The following FANCD2OS variants were observed in gnomAD, a reference collection of about 807,000 sequenced individuals.
FANCD2OS encodes FANCD2 opposite strand, also known as FANCD2 opposite strand protein.
FANCD2OS carries 11 observed loss-of-function variants against 13.2 expected under a neutral mutation model. The ratio of observed to expected loss-of-function variants is 0.83; its 90% confidence interval spans 0.52 to 1.38. The LOEUF is 1.38. Among genes scored for constraint, FANCD2OS ranks in the 40% most tolerant of loss-of-function variants. The pLI is 0.00. For missense variants in FANCD2OS, 217 were observed against 213.9 expected, an observed-to-expected ratio of 1.01 and a Z score of -0.09; for synonymous variants, 69 against 84.5, an observed-to-expected ratio of 0.82 and a Z score of 1.01.
rs1221748608 is a variant in FANCD2OS at position 10,104,551 on chromosome 3, TG to T, written c.223del (p.His75ThrfsTer8). On this transcript the variant is annotated frameshift_variant, in exon 2 of 2. Coordinates refer to ENST00000450660, the MANE Select transcript of FANCD2OS (RefSeq NM_001164839.2). LOFTEE classifies it high-confidence loss of function. ...ESGVSPKLPC[H>X]TSELRTMNNK... Reference sequence around the variant, plus strand: ...GTTCATCGTGCGCAACTCTGATGTGTGGCAGGGTAACTTGGGACTCACTCCA... The same window carrying T: ...GTTCATCGTGCGCAACTCTGATGTGTGCAGGGTAACTTGGGACTCACTCCA... 1.9e-6 allele frequency: 3 copies of T among 1,614,224 alleles called. No homozygotes were observed. In the South Asian group the frequency reaches 3.3e-5, roughly 18 times the overall value.
chr3:10,105,772 T>C (rs9839613), intron 1 of FANCD2OS, among the ~76,000 whole-genome samples: 3 of 22,642 alleles, frequency 1.3e-4, no homozygotes, highest in African/African-American at 1.8e-4. Flanking sequence ...AAAAAAAAAA[T>C]TATATATATA....
intron 2 of FANCD2OS, chr3:10,094,363 G>A (rs2125090824): frequency 6.2e-7 from 1 of 1,612,600 alleles, no homozygotes; most frequent in South Asian, 1.1e-5. Context: ...GAAAACACCG[G>A]GTAAGAGCTA....
rs1695519220 is a variant in FANCD2OS at position 10,107,201 on chromosome 3, G to A, written c.-9+814C>T. ...GTGGTACACCACCATGGCAAGGTGGGCGGAGGGTATGAATGCTGTCAAGCA... is the reference window on the plus strand; with the variant it reads ...GTGGTACACCACCATGGCAAGGTGGACGGAGGGTATGAATGCTGTCAAGCA... On this transcript the variant is annotated intron_variant, in intron 1 of 1. Transcript: ENST00000450660. 3.9e-5 allele frequency among the ~76,000 whole-genome samples: 6 copies of A among 152,312 alleles called. No homozygotes were observed. The South Asian group carries it at 1.2e-3, about 32-fold the overall frequency.
At chr3:10,101,428 C>T (rs1282027513), downstream of FANCD2OS, 1 of 581,200 alleles carries the variant, frequency 1.7e-6, no homozygotes, top group Non-Finnish European at 3.0e-6. Flanking sequence ...CTGTGTTTCC[C>T]AGGCTGGAGT....
At chr3:10,085,614 T>C (rs1412782073) in intron 2 of FANCD2OS, among the ~76,000 whole-genome samples, 1 of 152,034 alleles carries the variant, frequency 6.6e-6, no homozygotes, top group Non-Finnish European at 1.5e-5. Flanking sequence ...ATGGTCTCCA[T>C]GTGTTGACCT....
chr3:10,099,341 T>C, downstream of FANCD2OS: 2 of 1,197,860 alleles, frequency 1.7e-6, no homozygotes, highest in South Asian at 2.0e-5. Context: ...AATGTAGACA[T>C]GGCTGGCGCA....
At chr3:10,085,681 C>T (rs1047389873) in intron 2 of FANCD2OS, 26 of 729,466 alleles carry the variant, frequency 3.6e-5, no homozygotes, top group East Asian at 2.6e-4. Context: ...TGAGCCACCA[C>T]GCCCGACCTC....
Position 10,087,281 on chromosome 3 carries a change from C to CTTT in FANCD2OS, c.*44-5753_*44-5751dup, listed in dbSNP as rs371321981. 0.071 allele frequency: 90,581 copies of CTTT among 1,275,722 alleles called. 3,136 individuals are homozygous for CTTT. Among genetic ancestry groups the CTTT allele is most frequent in the African/African-American group, 0.26 (13,763 of 52,122 alleles). The allele number at this position is 1,275,722 out of a possible 1,614,324, so 79.0% of individuals were successfully genotyped here. On this transcript the variant is annotated intron_variant, in intron 2 of 2. Coordinates refer to the FANCD2OS transcript ENST00000524279. ...AAAAAATTGGTGATGGGCCTAGATCCTTTTTTTTTTTTTTTTTTTAATGAA... is the reference window on the plus strand; with the variant it reads ...AAAAAATTGGTGATGGGCCTAGATCCTTTTTTTTTTTTTTTTTTTTTTAATGAA...
intron 2 of FANCD2OS, among the ~76,000 whole-genome samples, chr3:10,092,883 G>T (rs1297101565): frequency 1.3e-5 from 2 of 151,474 alleles, no homozygotes; most frequent in Middle Eastern, 3.2e-3. Context: ...GTGGAAACAG[G>T]GTCTCATTCT....
chr3:10,084,712 A>C (rs1314362557), intron 2 of FANCD2OS, among the ~76,000 whole-genome samples: 1 of 152,226 alleles, frequency 6.6e-6, no homozygotes, highest in Non-Finnish European at 1.5e-5. Flanking sequence ...CATTTGTTGA[A>C]AGGAAGAATG....
chr3:10,101,488 C>A (rs758652840), downstream of FANCD2OS: 4 of 492,350 alleles, frequency 8.1e-6, no homozygotes, highest in Non-Finnish European at 1.5e-5. Context: ...TAGGTTCAAG[C>A]GATTCTCCTG....
chr3:10,095,170 A>C, intron 2 of FANCD2OS: 1 of 1,571,010 alleles, frequency 6.4e-7, no homozygotes, highest in Non-Finnish European at 8.8e-7. Context: ...AGGACATTTC[A>C]TAGAGCATTT....
chr3:10,096,293 C>T (rs747632960), intron 2 of FANCD2OS: 1 of 1,611,774 alleles, frequency 6.2e-7, no homozygotes, highest in Admixed American at 1.7e-5. Context: ...ATGATAAACT[C>T]ACAAAAGATG....
chr3:10,101,720 G>C (rs1695311359), downstream of FANCD2OS: 2 of 256,684 alleles, frequency 7.8e-6, no homozygotes, highest in East Asian at 1.3e-4. Flanking sequence ...ATTAACTTGT[G>C]GACATCATGG....
In FANCD2OS at chr3:10,093,459, G is replaced by A. The variant is rs192494494; in HGVS notation, c.*43+10739C>T. ...CAGAATCTATGCCAGTTTAGGGAAG[G>A]CAATGGATGCATTTTCCCACCCTAG... On this transcript the variant is annotated intron_variant, in intron 2 of 2. Transcript: ENST00000524279. 2.8e-5 allele frequency: 22 copies of A among 785,576 alleles called. 1 individual carries two copies. The East Asian group carries it at 5.5e-4, about 20-fold the overall frequency. 48.7% of individuals were successfully genotyped at this position (785,576 alleles called of 1,614,324 possible).
intron 2 of FANCD2OS, among the ~76,000 whole-genome samples, chr3:10,094,692 C>G (rs141200221): frequency 6.6e-6 from 1 of 151,566 alleles, no homozygotes; most frequent in Non-Finnish European, 1.5e-5. Context: ...TAGGTATACT[C>G]TCAGAAATGA....
chr3:10,095,379 CTG>C, intron 2 of FANCD2OS: 1 of 935,224 alleles, frequency 1.1e-6, no homozygotes, highest in Non-Finnish European at 1.7e-6. Context: ...ATATCTGGGA[CTG>C]TGTCTGTCCA....
downstream of FANCD2OS, among the ~76,000 whole-genome samples, chr3:10,103,488 T>C (rs565915767): frequency 1.5e-3 from 232 of 152,232 alleles, no homozygotes; most frequent in African/African-American, 5.3e-3. Context: ...GGCGGGAGGA[T>C]CACTTGAGCC....
intron 1 of FANCD2OS, among the ~76,000 whole-genome samples, chr3:10,106,404 T>C (rs1472105976): frequency 6.6e-6 from 1 of 152,192 alleles, no homozygotes; most frequent in Non-Finnish European, 1.5e-5. Flanking sequence ...ATAAGAAGTT[T>C]TACTAAATTC....
Sources: allele counts gnomAD v4.1 joint callset (sites outside exome capture counted in the v4.1 genomes callset), GRCh38; gene constraint gnomAD v4.1.1; transcripts MANE v1.5; gene names NCBI Gene and HGNC (gene_info 2026-07-23, HGNC 2026-07-21).